Variants in ZNF879 observed in about 807,000 individuals in gnomAD.
ZNF879 encodes zinc finger protein 879.
In ZNF879, 32 loss-of-function variants were observed where a neutral mutation model predicts 44.3. That is an observed-to-expected ratio of 0.72 (90% confidence interval 0.54 to 0.97). The LOEUF is 0.97. Ranked by LOEUF, ZNF879 falls within the 50% of genes least tolerant of loss-of-function variation. ZNF879 has a pLI of 0.00. For synonymous variants in ZNF879, 234 were observed against 233.2 expected, an observed-to-expected ratio of 1.00 and a Z score of -0.03; for missense variants, 621 against 669.7, an observed-to-expected ratio of 0.93 and a Z score of 0.80.
In ZNF879 at chr5:179,027,475, G is replaced by T; in HGVS notation, c.36G>T (p.Glu12Asp). 2 of 1,614,006 alleles carry T rather than the reference G, an allele frequency of 1.2e-6. No individual in the cohort carries two copies. The highest frequency in any genetic ancestry group is 1.7e-6 in the Non-Finnish European group (2 of 1,179,964). The change falls in exon 3 of 5, where the codon GAG becomes GAT. Residue 12 changes from glutamate (E) to aspartate (D), a missense_variant and splice_region_variant. By Grantham distance (45) the Glu-to-Asp change is conservative. Coordinates refer to ENST00000444149, the MANE Select transcript of ZNF879 (RefSeq NM_001136116.3). ...ARRLLPAHVQ[E>D]SVTFRDVAVF... ...CAGGAGTGGGTTTGCCATTCCAGGA[G>T]TCCGTGACGTTCAGGGATGTGGCCG... is the stretch of plus-strand genomic sequence containing the variant.
At chr5:179,024,259 C>T (rs944855694) in intron 1 of ZNF879, among the ~76,000 whole-genome samples, 10 of 152,232 alleles carry the variant, frequency 6.6e-5, no homozygotes, top group African/African-American at 1.9e-4. Context: ...CTCCGTTTCC[C>T]GGAGTTTAAA....
chr5:179,026,557 A>C (rs1761276064), intron 2 of ZNF879, among the ~76,000 whole-genome samples: 1 of 152,186 alleles, frequency 6.6e-6, no homozygotes, highest in Admixed American at 6.5e-5. Flanking sequence ...ATCACACGTC[A>C]CTGCAGCCTC....
intron 3 of ZNF879, 78 bp from the exon 4 acceptor site, chr5:179,027,954 C>T (rs1296832591): frequency 8.0e-7 from 1 of 1,244,182 alleles, no homozygotes; most frequent in African/African-American, 1.5e-5. Context: ...CCCTGTACTG[C>T]CCCTCTGCCC....
chr5:179,025,236 T>C (rs1296905749), intron 2 of ZNF879, among the ~76,000 whole-genome samples, 199 bp downstream of exon 2: 1 of 152,060 alleles, frequency 6.6e-6, no homozygotes, highest in Admixed American at 6.5e-5. Flanking sequence ...TTTCCCTTTT[T>C]TGAGACAGGG....
intron 4 of ZNF879, 47 bp downstream of exon 4, chr5:179,028,174 C>A: frequency 6.6e-7 from 1 of 1,513,090 alleles, no homozygotes; most frequent in South Asian, 1.2e-5. Context: ...TTTCCCACTG[C>A]CAGGGCACAG....
chr5:179,024,260 G>T (rs1761195747), intron 1 of ZNF879, among the ~76,000 whole-genome samples: 1 of 152,238 alleles, frequency 6.6e-6, no homozygotes, highest in Non-Finnish European at 1.5e-5. Flanking sequence ...TCCGTTTCCC[G>T]GAGTTTAAAC....
chr5:179,024,737 T>C, intron 1 of ZNF879: 1 of 507,444 alleles, frequency 2.0e-6, no homozygotes, highest in Non-Finnish European at 3.6e-6. Flanking sequence ...CTTCATCCCT[T>C]CGCTCCTTTC....
At position 179,033,625 on chromosome 5, in the gene ZNF879, A is replaced by G. The variant is rs990680307; in HGVS notation, c.1677A>G (p.Gln559=). The change falls in exon 5 of 5, where the codon CAA becomes CAG. Residue 559 remains glutamine, a synonymous_variant. Coordinates refer to ENST00000444149, the MANE Select transcript of ZNF879 (RefSeq NM_001136116.3). ...AGAGCTCATCTCTTACTAATCATCA[A>G]AGGACTCATAATTGAGAAAAACTGT... ...FSQSSSLTNH[Q]RTHN The G allele has an allele frequency of 7.3e-6, 11 of 1,511,930 alleles. No homozygotes were observed. The highest frequency in any genetic ancestry group is 2.4e-5 in the Admixed American group (1 of 41,960). The allele number at this position is 1,511,930 out of a possible 1,614,324, so 93.7% of individuals were successfully genotyped here.
chr5:179,032,202 T>A lies in ZNF879; in HGVS notation c.257-3T>A. 2 of 1,500,644 alleles carry A rather than the reference T, an allele frequency of 1.3e-6. No homozygotes were observed. Among genetic ancestry groups the A allele is most frequent in the Non-Finnish European group, 1.8e-6 (2 of 1,128,980 alleles). 93.0% of individuals were successfully genotyped at this position (1,500,644 alleles called of 1,614,324 possible). Reference sequence around the variant, plus strand: ...AGAGACTTATATGTTTTGTCTACTTTAGGATGGGAAAGCTTGTTTGGAACC... The same window carrying A: ...AGAGACTTATATGTTTTGTCTACTTAAGGATGGGAAAGCTTGTTTGGAACC... On this transcript the variant is annotated splice_polypyrimidine_tract_variant and splice_region_variant and intron_variant, in intron 4 of 4. Transcript: ENST00000444149.
Position 179,034,633 on chromosome 5 carries a change from A to T in ZNF879, c.*993A>T, listed in dbSNP as rs537139073. 1.3e-5 allele frequency: 2 copies of T among 152,274 alleles called. No homozygotes were observed. The highest frequency in any genetic ancestry group is 4.1e-4 in the South Asian group (2 of 4,822). 9.4% of individuals were successfully genotyped at this position (152,274 alleles called of 1,614,324 possible). A position where few individuals can be genotyped will look rare whatever the true frequency, so the allele number is the denominator to read the frequency against. ...GGTTCACTTTCTCCCCACACTCTAA[A>T]GGTCACTGGGCAAATATTTAGGCTC... On this transcript the variant is annotated 3_prime_UTR_variant, in exon 5 of 5. Transcript: ENST00000444149.
intron 2 of ZNF879, among the ~76,000 whole-genome samples, chr5:179,026,930 GA>G (rs1446082476): frequency 6.6e-6 from 1 of 152,214 alleles, no homozygotes; most frequent in Non-Finnish European, 1.5e-5. Flanking sequence ...CCTCTGGCTT[GA>G]AAGGTTATGT....
Position 179,024,987 on chromosome 5 carries a change from G to C in ZNF879, c.-18G>C, listed in dbSNP as rs1454597879. On this transcript the variant is annotated 5_prime_UTR_variant, in exon 2 of 5. Coordinates refer to ENST00000444149, the MANE Select transcript of ZNF879 (RefSeq NM_001136116.3). ...CATTCCAGGTGCCTTCTCCAAGAGA[G>C]GCAGCAGGGAGGGAGAAATGGCAAG... 2 of 1,551,550 alleles carry C rather than the reference G, an allele frequency of 1.3e-6. No homozygotes were observed. Among genetic ancestry groups the C allele is most frequent in the African/African-American group, 2.7e-5 (2 of 73,052 alleles).
intron 2 of ZNF879, 49 bp downstream of exon 2, chr5:179,025,086 G>A: frequency 6.5e-7 from 1 of 1,544,832 alleles, no homozygotes; most frequent in Non-Finnish European, 8.8e-7. Context: ...GTCTAGACGT[G>A]GTAAACTTCT....
Position 179,032,751 on chromosome 5 carries a change from C to G in ZNF879, c.803C>G (p.Ala268Gly). The G allele has an allele frequency of 1.3e-6, 2 of 1,554,298 alleles. No homozygotes were observed. Among genetic ancestry groups the G allele is most frequent in the Non-Finnish European group, 1.7e-6 (2 of 1,148,746 alleles). The part of the protein sequence containing the change: ...KPYICSECGK[A>G]FSFTTSLIGH... ...TATATATGTAGTGAATGTGGAAAAG[C>G]CTTCAGTTTCACCACATCTCTTATT... Residue 268 changes from alanine to glycine, a missense_variant, in exon 5 of 5, where the codon GCC becomes GGC. Coordinates refer to ENST00000444149, the MANE Select transcript of ZNF879 (RefSeq NM_001136116.3).
intron 4 of ZNF879, among the ~76,000 whole-genome samples, chr5:179,031,240 G>A (rs1301592888): frequency 6.6e-6 from 1 of 152,138 alleles, no homozygotes; most frequent in Non-Finnish European, 1.5e-5. Context: ...CTAGCCCTCA[G>A]TGATGCTGAT....
Position 179,028,008 on chromosome 5 carries a change from C to T in ZNF879, c.161-24C>T, listed in dbSNP as rs773933637. 1.8e-4 allele frequency: 271 copies of T among 1,548,556 alleles called. 2 individuals carry two copies. The East Asian group carries it at 5.5e-3, about 31-fold the overall frequency. On this transcript the variant is annotated intron_variant, in intron 3 of 4. Coordinates refer to ENST00000444149, the MANE Select transcript of ZNF879 (RefSeq NM_001136116.3). ...ACCCGCCTGCTACGATGGCCGCTCA[C>T]GTTTCTTTCTTGTTCATGAACAGGG... is the stretch of plus-strand genomic sequence containing the variant.
rs1761504152 is a variant in ZNF879, at chr5:179,033,713, A to C, written c.*73A>C. On this transcript the variant is annotated 3_prime_UTR_variant, in exon 5 of 5. Coordinates refer to ENST00000444149, the MANE Select transcript of ZNF879 (RefSeq NM_001136116.3). ...GAGTATCAAAAAATTCATTGTGGGG[A>C]GAAAGTGATGAAGAGTAGTTAATCA... is the stretch of plus-strand genomic sequence containing the variant. 8.6e-7 allele frequency: 1 copy of C among 1,164,490 alleles called. No individual in the cohort carries two copies. The highest frequency in any genetic ancestry group is 3.0e-5 in the Admixed American group (1 of 33,002). 72.1% of individuals were successfully genotyped at this position (1,164,490 alleles called of 1,614,324 possible). A position where few individuals can be genotyped will look rare whatever the true frequency, so the allele number is the denominator to read the frequency against.
chr5:179,025,163 A>C, intron 2 of ZNF879, 126 bp downstream of exon 2: 4 of 1,027,694 alleles, frequency 3.9e-6, no homozygotes, highest in Non-Finnish European at 4.3e-6. Context: ...GGTAGCTGAG[A>C]AACTCTGGAA....
chr5:179,029,655 A>G (rs1364849187), intron 4 of ZNF879, among the ~76,000 whole-genome samples: 1 of 152,234 alleles, frequency 6.6e-6, no homozygotes, highest in East Asian at 1.9e-4. Flanking sequence ...TGTTGTAAAA[A>G]TAGGAGCAAA....
Sources: gnomAD v4.1 joint callset for allele counts (sites outside exome capture counted in the v4.1 genomes callset) on GRCh38, gnomAD v4.1.1 for gene constraint, MANE v1.5 for transcripts, NCBI Gene and HGNC (gene_info 2026-07-23, HGNC 2026-07-21) for gene names.